ROBO1: variants seen among roughly 807,000 people sequenced by gnomAD.
ROBO1 encodes the protein roundabout homolog 1.
In ROBO1, 149 loss-of-function variants were observed where a neutral mutation model predicts 195.9. The ratio of observed to expected loss-of-function variants is 0.76; its 90% CI spans 0.67 to 0.87. The LOEUF is 0.87. ROBO1 is among the 40% of genes least tolerant of loss of function. ROBO1 has a pLI of 0.00. For synonymous variants in ROBO1, 816 were observed against 733.2 expected (o/e 1.11, Z -1.82); for missense variants, 1,933 against 2,068.3 (o/e 0.93, Z 1.27).
Position 79,280,823 on chromosome 3 carries a change from A to T in ROBO1, c.89-155284T>A, listed in dbSNP as rs118131302. Among the ~76,000 whole-genome samples the T allele has an allele frequency of 1.2e-3, 183 of 152,234 alleles. 5 individuals are homozygous for T. In the East Asian group the frequency reaches 0.034, roughly 29 times the overall value. On this transcript the variant is annotated intron_variant, in intron 2 of 30. Transcript: ENST00000464233. ...CCTACATTGCTCGCATGCGCACTTC[A>T]CAATAGGGTTTGAGCTCCTATGAGA...
At chr3:78,607,065 T>C (rs907086919) in intron 28 of ROBO1, 24 bp from the exon 29 acceptor site, 1 of 1,592,180 alleles carries the variant, frequency 6.3e-7, no homozygotes, top group Non-Finnish European at 8.6e-7. Context: ...TTAAAAATAC[T>C]ACTGTAAAAG....
rs554987663 is a variant in ROBO1 at position 79,332,383 on chromosome 3, T to A, written c.89-206844A>T. On this transcript the variant is annotated intron_variant, in intron 2 of 30. Transcript: ENST00000464233. ...ACACCAATGCACAAATGAATTTTTA[T>A]CACAAACATAAAAATTCTAGGACTT... Among the ~76,000 whole-genome samples, 62 of 152,260 alleles carry A rather than the reference T, an allele frequency of 4.1e-4. 1 individual carries two copies. Among genetic ancestry groups the A allele is most frequent in the African/African-American group, 1.5e-3 (61 of 41,542 alleles).
chr3:79,469,127 T>A (rs1201944530), intron 2 of ROBO1, among the ~76,000 whole-genome samples: 2 of 152,082 alleles, frequency 1.3e-5, no homozygotes, highest in Non-Finnish European at 2.9e-5. Flanking sequence ...GTGGCAAATA[T>A]CTCTTGGAAA....
chr3:79,384,220 A>G (rs1487637909), intron 2 of ROBO1, among the ~76,000 whole-genome samples: 1 of 152,048 alleles, frequency 6.6e-6, no homozygotes, highest in Non-Finnish European at 1.5e-5. Flanking sequence ...ACTATATTCT[A>G]TGAATGATGA....
intron 2 of ROBO1, among the ~76,000 whole-genome samples, chr3:79,448,300 A>G (rs994889667): frequency 6.6e-6 from 1 of 152,178 alleles, no homozygotes; most frequent in Non-Finnish European, 1.5e-5. Context: ...CATAATTTCT[A>G]AACACAAAAG....
chr3:78,707,939 G>T (rs1443826785), intron 8 of ROBO1, among the ~76,000 whole-genome samples: 1 of 152,204 alleles, frequency 6.6e-6, no homozygotes. Context: ...GGAGATAAAA[G>T]GTGATGGCTT....
intron 4 of ROBO1, among the ~76,000 whole-genome samples, chr3:78,810,129 G>A (rs2084690279): frequency 2.0e-5 from 3 of 152,236 alleles, no homozygotes; most frequent in South Asian, 4.1e-4. Context: ...ATTGCCTTTC[G>A]CAGCTACGTT....
chr3:78,897,599 A>G (rs2037314159), intron 4 of ROBO1, among the ~76,000 whole-genome samples: 1 of 150,582 alleles, frequency 6.6e-6, no homozygotes, highest in Non-Finnish European at 1.5e-5. Context: ...AAGATTGCCA[A>G]AAACACATTT....
chr3:79,724,486 C>T (rs1002849220), intron 1 of ROBO1, among the ~76,000 whole-genome samples: 1 of 152,238 alleles, frequency 6.6e-6, no homozygotes, highest in Non-Finnish European at 1.5e-5. Flanking sequence ...GCCGAGGTTA[C>T]GAAACATGGA....
intron 4 of ROBO1, among the ~76,000 whole-genome samples, chr3:78,810,652 T>C (rs933988677): frequency 2.0e-5 from 3 of 152,074 alleles, no homozygotes; most frequent in Admixed American, 6.6e-5. Flanking sequence ...AAATCTATTC[T>C]GGTTCTGATT....
chr3:79,363,654 A>G (rs1433300831), intron 2 of ROBO1, among the ~76,000 whole-genome samples: 3 of 152,186 alleles, frequency 2.0e-5, no homozygotes, highest in Non-Finnish European at 4.4e-5. Flanking sequence ...ACATATGCAT[A>G]TGTACCCACA....
At chr3:79,623,799 C>T (rs2107990344) in intron 1 of ROBO1, among the ~76,000 whole-genome samples, 1 of 152,176 alleles carries the variant, frequency 6.6e-6, no homozygotes, top group East Asian at 1.9e-4. Context: ...GAGAACTTTC[C>T]CAACCTAGCA....
intron 2 of ROBO1, among the ~76,000 whole-genome samples, chr3:79,575,314 T>G (rs1310292721): frequency 8.0e-6 from 1 of 124,710 alleles, no homozygotes; most frequent in Non-Finnish European, 1.6e-5. Flanking sequence ...TATAAATATA[T>G]ATATAACATA....
intron 3 of ROBO1, among the ~76,000 whole-genome samples, chr3:78,999,390 C>A (rs1252401035): frequency 1.3e-5 from 2 of 152,046 alleles, no homozygotes; most frequent in Non-Finnish European, 2.9e-5. Context: ...ATGTTCTTTG[C>A]AGCAACATGG....
chr3:79,714,444 T>C (rs1414478104), intron 1 of ROBO1, among the ~76,000 whole-genome samples: 3 of 152,138 alleles, frequency 2.0e-5, no homozygotes, highest in African/African-American at 4.8e-5. Flanking sequence ...AGTGTGGTAA[T>C]TCCTCAAGGA....
At chr3:78,669,070 T>C (rs1347335160) in intron 11 of ROBO1, among the ~76,000 whole-genome samples, 3 of 152,194 alleles carry the variant, frequency 2.0e-5, no homozygotes, top group African/African-American at 7.2e-5. Context: ...TTCCGGGTTT[T>C]AAAACTTGTA....
chr3:79,721,165 C>G (rs1702684567), intron 1 of ROBO1, among the ~76,000 whole-genome samples: 1 of 152,172 alleles, frequency 6.6e-6, no homozygotes, highest in Non-Finnish European at 1.5e-5. Flanking sequence ...CAAATTCATG[C>G]ATTCTCCTGA....
intron 3 of ROBO1, among the ~76,000 whole-genome samples, chr3:79,057,433 G>A (rs147396400): frequency 1.5e-4 from 23 of 152,076 alleles, no homozygotes; most frequent in African/African-American, 4.1e-4. Context: ...AAAGACATCC[G>A]TGTCAGAGAC....
intron 2 of ROBO1, among the ~76,000 whole-genome samples, chr3:79,245,743 G>C (rs958974621): frequency 6.6e-6 from 1 of 151,944 alleles, no homozygotes; most frequent in African/African-American, 2.4e-5. Context: ...AGACCTTGGG[G>C]GAAATGCTTT....
Sources: gnomAD v4.1 joint callset for allele counts (sites outside exome capture counted in the v4.1 genomes callset) on GRCh38, gnomAD v4.1.1 for gene constraint, MANE v1.5 for transcripts, NCBI Gene and HGNC (gene_info 2026-07-23, HGNC 2026-07-21) for gene names.